SCN11A: variants seen among roughly 807,000 people sequenced by gnomAD.
SCN11A encodes sodium voltage-gated channel alpha subunit 11.
In SCN11A, 122 loss-of-function variants were observed where a neutral mutation model predicts 162.2. The observed-to-expected ratio is 0.75, with a 90% CI of 0.65 to 0.87. The LOEUF is 0.87. Among genes scored for constraint, SCN11A ranks in the 40% least tolerant of loss-of-function variants. The pLI, the probability that SCN11A is intolerant of heterozygous loss-of-function variation, is 0.00. For synonymous variants in SCN11A, 758 were observed against 751.5 expected, an observed-to-expected ratio of 1.01 and a Z score of -0.14; for missense variants, 2,015 against 2,181.6, an observed-to-expected ratio of 0.92 and a Z score of 1.52.
At chr3:38,984,913 T>G (rs1331033730) in intron 2 of SCN11A, among the ~76,000 whole-genome samples, 1 of 141,822 alleles carries the variant, frequency 7.1e-6, no homozygotes, top group African/African-American at 3.0e-5. Context: ...AGAAACACAT[T>G]CAAGGGCAGT....
intron 2 of SCN11A, among the ~76,000 whole-genome samples, chr3:38,993,841 C>A (rs1268231050): frequency 1.3e-5 from 2 of 152,192 alleles, no homozygotes; most frequent in Admixed American, 6.5e-5. Context: ...CTCCTGCATG[C>A]AGGGAACTTG....
intron 28 of SCN11A, among the ~76,000 whole-genome samples, chr3:38,855,273 T>A (rs978010851): frequency 4.6e-5 from 7 of 152,166 alleles, no homozygotes; most frequent in African/African-American, 1.7e-4. Flanking sequence ...TCTGGTGATC[T>A]ATACTGCACA....
At position 38,967,946 on chromosome 3, in the gene SCN11A, C is replaced by T. The variant is rs192098125; in HGVS notation, c.-279-7523G>A. ...TATTTAGTTCACTCTGCTTCCAATT[C>T]TAATATACAGTATTGAGGATTCTTT... is the stretch of plus-strand genomic sequence containing the variant. On this transcript the variant is annotated intron_variant, in intron 2 of 29. Transcript: ENST00000302328. 1.6e-3 allele frequency among the ~76,000 whole-genome samples: 251 copies of T among 152,328 alleles called. 1 individual carries two copies. The highest frequency in any genetic ancestry group is 0.01 in the Middle Eastern group (3 of 294).
intron 23 of SCN11A, among the ~76,000 whole-genome samples, chr3:38,879,493 T>C (rs77737790): frequency 0.017 from 2,561 of 152,330 alleles, 96 homozygotes; most frequent in East Asian, 0.16. Context: ...AACATTGTCA[T>C]GCATATTAAA....
chr3:38,933,965 A>G (rs569098870), intron 7 of SCN11A, among the ~76,000 whole-genome samples: 6 of 152,364 alleles, frequency 3.9e-5, no homozygotes, highest in African/African-American at 1.2e-4. Flanking sequence ...TGTTAAGCGC[A>G]GCCAGAGAGA....
intron 2 of SCN11A, among the ~76,000 whole-genome samples, chr3:39,001,594 TCTTA>T (rs1296149025): frequency 1.3e-5 from 2 of 152,340 alleles, no homozygotes; most frequent in Middle Eastern, 3.4e-3. Flanking sequence ...TAGTTTTACT[TCTTA>T]CTTTTACGTC....
intron 28 of SCN11A, among the ~76,000 whole-genome samples, chr3:38,860,064 C>T (rs2064938176): frequency 1.3e-5 from 2 of 152,058 alleles, no homozygotes; most frequent in Non-Finnish European, 2.9e-5. Flanking sequence ...CCAGTTCTGC[C>T]ATTCCACCCA....
intron 2 of SCN11A, among the ~76,000 whole-genome samples, chr3:38,994,069 C>T (rs1336267876): frequency 1.3e-5 from 2 of 152,178 alleles, no homozygotes; most frequent in African/African-American, 4.8e-5. Context: ...CTCCTCTGTC[C>T]TCAACTGGTC....
In SCN11A at chr3:38,921,188, G is replaced by A. The variant is rs775274350; in HGVS notation, c.780C>T (p.Thr260=). The A allele has an allele frequency of 1.2e-6, 2 of 1,614,046 alleles. No homozygotes were observed. The highest frequency in any genetic ancestry group is 1.7e-6 in the Non-Finnish European group (2 of 1,179,938). The change falls in exon 10 of 30, where the codon ACC becomes ACT. Residue 260 remains threonine (T), a synonymous_variant. Coordinates refer to ENST00000302328, the MANE Select transcript of SCN11A (RefSeq NM_001349253.2). The part of the protein sequence containing the change: ...VKKLVNVIIL[T]FFCLSIFALV... ...GGGCAAAGATGCTGAGGCAAAAGAA[G>A]GTGAGGATAATCACGTTGACCAGCT...
chr3:39,015,400 T>C (rs2031265317), intron 2 of SCN11A, among the ~76,000 whole-genome samples: 1 of 152,162 alleles, frequency 6.6e-6, no homozygotes, highest in South Asian at 2.1e-4. Context: ...CCACTTTGGG[T>C]TTCTATACAC....
chr3:38,899,623 C>T (rs952740313), intron 17 of SCN11A, among the ~76,000 whole-genome samples: 1 of 152,090 alleles, frequency 6.6e-6, no homozygotes, highest in Admixed American at 6.5e-5. Context: ...GAACAGAGTC[C>T]TCACACTGGG....
At chr3:38,920,474 C>T (rs768749746) in intron 10 of SCN11A, among the ~76,000 whole-genome samples, 12 of 152,050 alleles carry the variant, frequency 7.9e-5, no homozygotes, top group Non-Finnish European at 1.5e-4. Context: ...GGGCAGATCA[C>T]GAGGTCAGGA....
intron 2 of SCN11A, among the ~76,000 whole-genome samples, chr3:38,963,380 TATATATGATGGA>T (rs2066756507): frequency 1.2e-5 from 1 of 82,518 alleles, no homozygotes; most frequent in African/African-American, 6.6e-5. Context: ...TATATATATA[TATATATGATGGA>T]GATATATATA....
chr3:38,992,552 T>C (rs950150583), intron 2 of SCN11A, among the ~76,000 whole-genome samples: 1 of 152,252 alleles, frequency 6.6e-6, no homozygotes, highest in Non-Finnish European at 1.5e-5. Flanking sequence ...ATGCATATTA[T>C]ATGAATGACT....
rs188916951 is a variant in SCN11A, at chr3:38,964,704, C to T, written c.-279-4281G>A. 1.2e-4 allele frequency among the ~76,000 whole-genome samples: 19 copies of T among 152,274 alleles called. No individual in the cohort carries two copies. In the East Asian group the frequency reaches 2.9e-3, roughly 23 times the overall value. Reference sequence around the variant, plus strand: ...GCTTGGAGGTACAAGCATGTGTAGACAACCTCTAGTGGTTTCATGGAGATG... The same window carrying T: ...GCTTGGAGGTACAAGCATGTGTAGATAACCTCTAGTGGTTTCATGGAGATG... On this transcript the variant is annotated intron_variant, in intron 2 of 29. Coordinates refer to ENST00000302328, the MANE Select transcript of SCN11A (RefSeq NM_001349253.2).
intron 14 of SCN11A, among the ~76,000 whole-genome samples, chr3:38,907,322 G>A (rs1575275961): frequency 5.9e-5 from 1 of 16,896 alleles, no homozygotes; most frequent in Admixed American, 1.1e-3. Context: ...GTGTGTGTGT[G>A]TGTGTGTGTG....
At chr3:39,037,469 T>C (rs148721660) in intron 1 of SCN11A, among the ~76,000 whole-genome samples, 123 of 152,234 alleles carry the variant, frequency 8.1e-4, no homozygotes, top group Middle Eastern at 3.4e-3. Context: ...TTAGAATAAC[T>C]AAGGGAGTAC....
At chr3:39,047,777 T>A (rs2032219197) in intron 1 of SCN11A, among the ~76,000 whole-genome samples, 1 of 151,840 alleles carries the variant, frequency 6.6e-6, no homozygotes, top group South Asian at 2.1e-4. Flanking sequence ...ATGAAAAAAA[T>A]GCTCAACATC....
rs1183602308 is a variant in SCN11A at position 38,850,665 on chromosome 3, A to C, written c.4143T>G (p.Ile1381Met). 2 of 1,613,792 alleles carry C rather than the reference A, an allele frequency of 1.2e-6. No homozygotes were observed. The highest frequency in any genetic ancestry group is 3.3e-5 in the Admixed American group (2 of 60,004). ...GGTTGTATGATTCAGCCATCATGCT[A>C]ATCATGTTTAGGATAATGAGACTTA... ...IIISLIILNM[I>M]SMMAESYNQP... The change falls in exon 29 of 30, where the codon ATT becomes ATG. Residue 1381 changes from isoleucine (I) to methionine (M), a missense_variant. By Grantham distance (10) the Ile-to-Met change is conservative (BLOSUM62 1). Transcript: ENST00000302328.
Sources: gnomAD v4.1 joint callset for allele counts (sites outside exome capture counted in the v4.1 genomes callset) on GRCh38, gnomAD v4.1.1 for gene constraint, MANE v1.5 for transcripts, NCBI Gene and HGNC (gene_info 2026-07-23, HGNC 2026-07-21) for gene names.